MTHFD2L: variants seen among roughly 807,000 people sequenced by gnomAD.
MTHFD2L encodes the protein bifunctional methylenetetrahydrofolate dehydrogenase/cyclohydrolase 2, mitochondrial.
A neutral mutation model predicts 34.9 loss-of-function variants in MTHFD2L; 29 were observed. The ratio of observed to expected loss-of-function variants is 0.83; its 90% CI spans 0.62 to 1.13. The LOEUF (loss-of-function observed/expected upper bound fraction) is 1.13, where lower values mean the gene tolerates loss of function less well. MTHFD2L is among the 50% of genes most tolerant of loss of function. MTHFD2L has a pLI of 0.00. For missense variants in MTHFD2L, 481 were observed against 446.5 expected (o/e 1.08, Z -0.70); for synonymous variants, 167 against 155.7 (o/e 1.07, Z -0.54).
At chr4:74,148,594 G>A (rs1723750645) in intron 1 of MTHFD2L, among the ~76,000 whole-genome samples, 1 of 151,642 alleles carries the variant, frequency 6.6e-6, no homozygotes, top group African/African-American at 2.4e-5. Context: ...GAAATTCTTG[G>A]GCTCAAGCGA....
Position 74,136,963 on chromosome 4 carries a change from T to A in MTHFD2L, c.-297+11446T>A, listed in dbSNP as rs532205031. Among the ~76,000 whole-genome samples, 98 of 152,206 alleles carry A rather than the reference T, an allele frequency of 6.4e-4. No homozygotes were observed. The South Asian group carries it at 0.017, about 26-fold the overall frequency. On this transcript the variant is annotated intron_variant, in intron 1 of 7. Coordinates refer to the MTHFD2L transcript ENST00000433372. ...CCCTATCTCTCACCATACACAAAAA[T>A]TAAATCAAAATGAATTAAAGACTTG...
intron 6 of MTHFD2L, among the ~76,000 whole-genome samples, chr4:74,248,396 A>G (rs1445537595): frequency 2.0e-5 from 3 of 152,030 alleles, no homozygotes; most frequent in South Asian, 2.1e-4. Flanking sequence ...TCTTGCTAGC[A>G]GTCTATCAAT....
intron 6 of MTHFD2L, among the ~76,000 whole-genome samples, chr4:74,274,905 T>C (rs1746418910): frequency 6.6e-6 from 1 of 152,126 alleles, no homozygotes; most frequent in African/African-American, 2.4e-5. Context: ...AAAGTTGAAA[T>C]ATTTATAAGA....
chr4:74,273,182 G>A (rs1167404068), intron 6 of MTHFD2L, among the ~76,000 whole-genome samples: 1 of 152,042 alleles, frequency 6.6e-6, no homozygotes, highest in African/African-American at 2.4e-5. Flanking sequence ...TTTTAATAAT[G>A]GCTTTTAGCT....
intron 5 of MTHFD2L, among the ~76,000 whole-genome samples, chr4:74,204,133 CT>C (rs1560483997): frequency 6.6e-6 from 1 of 152,080 alleles, no homozygotes. Context: ...TGGGTTCTGA[CT>C]TTGTGGTTAA....
At chr4:74,274,012 AT>A (rs545489038) in intron 6 of MTHFD2L, among the ~76,000 whole-genome samples, 1 of 150,240 alleles carries the variant, frequency 6.7e-6, no homozygotes, top group Non-Finnish European at 1.5e-5. Flanking sequence ...GAACAGTTTG[AT>A]TTTTTTTTTC....
At chr4:74,159,003 C>T (rs1578280363) in intron 1 of MTHFD2L, among the ~76,000 whole-genome samples, 2 of 152,200 alleles carry the variant, frequency 1.3e-5, no homozygotes, top group Non-Finnish European at 2.9e-5. Context: ...TGTTTTCAGA[C>T]TTTCAGGGCT....
chr4:74,214,986 T>C lies in MTHFD2L; in HGVS notation c.713-10316T>C, dbSNP rs570015585. Among the ~76,000 whole-genome samples the C allele has an allele frequency of 7.8e-4, 118 of 151,806 alleles. 4 individuals carry two copies. Among genetic ancestry groups the C allele is most frequent in the African/African-American group, 2.7e-3 (113 of 41,148 alleles). On this transcript the variant is annotated intron_variant, in intron 5 of 7. Coordinates refer to ENST00000325278, the MANE Select transcript of MTHFD2L (RefSeq NM_001144978.3). ...TCCTTCAAACTTCCTGGTGGCTTTG[T>C]TTACACTGTGAGGGGAAAACTGCCT...
In MTHFD2L at chr4:74,302,120, A is replaced by AATATTACAT. The variant is rs2110340425; in HGVS notation, c.*313_*321dup. 5.3e-6 allele frequency: 1 copy of AATATTACAT among 189,318 alleles called. No homozygotes were observed. The highest frequency in any genetic ancestry group is 1.8e-4 in the South Asian group (1 of 5,678). The allele number at this position is 189,318 out of a possible 1,614,324, so 11.7% of individuals were successfully genotyped here. The stretch of plus-strand genomic sequence containing the variant: ...AATAAATATATTTTTGACACAATTA[A>AATATTACAT]ATATTACATAGAGTATGTTTACAAC... On this transcript the variant is annotated 3_prime_UTR_variant, in exon 8 of 8. Transcript: ENST00000325278.
chr4:74,179,346 C>T (rs1359130870), intron 3 of MTHFD2L, among the ~76,000 whole-genome samples: 1 of 152,042 alleles, frequency 6.6e-6, no homozygotes, highest in Non-Finnish European at 1.5e-5. Flanking sequence ...TACTTATAAC[C>T]TATATTTTTT....
At chr4:74,277,464 A>T (rs1035466762) in intron 6 of MTHFD2L, among the ~76,000 whole-genome samples, 1 of 152,040 alleles carries the variant, frequency 6.6e-6, no homozygotes, top group African/African-American at 2.4e-5. Flanking sequence ...CTACAATGGG[A>T]TAAAGAGAAA....
At chr4:74,223,374 C>G (rs1738568854) in intron 5 of MTHFD2L, among the ~76,000 whole-genome samples, 1 of 151,922 alleles carries the variant, frequency 6.6e-6, no homozygotes, top group African/African-American at 2.4e-5. Context: ...GAACAGAAAT[C>G]CAAATACTGC....
intron 4 of MTHFD2L, 134 bp from the exon 5 acceptor site, chr4:74,201,129 C>T (rs973413026): frequency 1.7e-6 from 1 of 594,628 alleles, no homozygotes. Flanking sequence ...TGAATGTGCT[C>T]ATATTATAGA....
intron 7 of MTHFD2L, among the ~76,000 whole-genome samples, chr4:74,284,728 A>C (rs935740511): frequency 6.6e-6 from 1 of 152,074 alleles, no homozygotes; most frequent in African/African-American, 2.4e-5. Flanking sequence ...AAATAGGAAC[A>C]CTTTTACACG....
At chr4:74,182,154 CTG>C (rs2109986886) in intron 3 of MTHFD2L, among the ~76,000 whole-genome samples, 1 of 152,160 alleles carries the variant, frequency 6.6e-6, no homozygotes, top group South Asian at 2.1e-4. Flanking sequence ...AACCCCAGTT[CTG>C]TGTTTGAGTG....
chr4:74,116,032 G>A (rs750679684), intron 2 of MTHFD2L, among the ~76,000 whole-genome samples: 25 of 152,100 alleles, frequency 1.6e-4, no homozygotes, highest in Non-Finnish European at 3.5e-4. Flanking sequence ...GTTTTGTCTA[G>A]GATTGATATA....
chr4:74,239,089 T>C (rs1741303138), intron 6 of MTHFD2L, among the ~76,000 whole-genome samples: 1 of 152,220 alleles, frequency 6.6e-6, no homozygotes, highest in African/African-American at 2.4e-5. Flanking sequence ...CCAACCCCAA[T>C]GTCCATCAGT....
Position 74,281,551 on chromosome 4 carries a change from G to T in MTHFD2L, c.931+1G>T, listed in dbSNP as rs1445782591. 1 of 1,609,422 alleles carries T rather than the reference G, an allele frequency of 6.2e-7. No individual in the cohort carries two copies. The highest frequency in any genetic ancestry group is 2.2e-5 in the East Asian group (1 of 44,682). On this transcript the variant is annotated splice_donor_variant, in intron 7 of 7. Coordinates refer to ENST00000325278, the MANE Select transcript of MTHFD2L (RefSeq NM_001144978.3). LOFTEE classifies it high-confidence loss of function. ...TTAGTTGGAGATGTGGACTTCGAAG[G>T]TAATAAACCAATATCTTTTGATAGG...
intron 6 of MTHFD2L, among the ~76,000 whole-genome samples, chr4:74,239,777 A>ACAT (rs1294683229): frequency 6.6e-6 from 1 of 152,218 alleles, no homozygotes; most frequent in Non-Finnish European, 1.5e-5. Flanking sequence ...ATCAGATATT[A>ACAT]CATTGTAAAA....
Sources: gnomAD v4.1 joint callset for allele counts (sites outside exome capture counted in the v4.1 genomes callset) on GRCh38, gnomAD v4.1.1 for gene constraint, MANE v1.5 for transcripts, NCBI Gene and HGNC (gene_info 2026-07-23, HGNC 2026-07-21) for gene names.